Variants in BMPER observed in about 807,000 individuals in gnomAD.
BMPER encodes BMP-binding endothelial regulator protein.
BMPER carries 45 observed loss-of-function variants against 87.3 expected under a neutral mutation model. The observed-to-expected ratio is 0.52, with a 90% CI of 0.41 to 0.66. The LOEUF is 0.66. Among genes scored for constraint, BMPER ranks in the 30% least tolerant of loss-of-function variants. The pLI is 0.00. For missense variants in BMPER, 784 were observed against 867.5 expected (o/e 0.90, Z 1.21); for synonymous variants, 326 against 316.2 (o/e 1.03, Z -0.33).
At chr7:34,074,849 T>C (rs1013331214) in intron 11 of BMPER, among the ~76,000 whole-genome samples, 1 of 152,232 alleles carries the variant, frequency 6.6e-6, no homozygotes, top group East Asian at 1.9e-4. Flanking sequence ...TACAGAATTA[T>C]CGTAACTATG....
upstream of BMPER, chr7:33,905,195 C>G (rs927586415): frequency 3.4e-6 from 1 of 293,874 alleles, no homozygotes; most frequent in African/African-American, 2.3e-5. Context: ...CGACAGCCCC[C>G]GAAACAGTAG....
chr7:34,081,591 C>T (rs1241159803), intron 12 of BMPER, among the ~76,000 whole-genome samples: 1 of 152,234 alleles, frequency 6.6e-6, no homozygotes, highest in Non-Finnish European at 1.5e-5. Flanking sequence ...ACTTCCACCA[C>T]ACACTCCCAC....
intron 13 of BMPER, among the ~76,000 whole-genome samples, chr7:34,113,485 T>TTTTA (rs1790034025): frequency 6.6e-6 from 1 of 151,760 alleles, no homozygotes; most frequent in South Asian, 2.1e-4. Context: ...TTTTATTTTA[T>TTTTA]TTTAAATCTT....
intron 11 of BMPER, among the ~76,000 whole-genome samples, chr7:34,069,739 T>A (rs187497050): frequency 9.9e-4 from 151 of 152,324 alleles, no homozygotes; most frequent in Non-Finnish European, 1.3e-3. Flanking sequence ...TTGTATTTAC[T>A]TACTTTTTAA....
rs1482632552 is a variant in BMPER, at chr7:33,910,699, C to T, written c.219+3796C>T. On this transcript the variant is annotated intron_variant, in intron 2 of 14. Coordinates refer to ENST00000649409, the MANE Select transcript of BMPER (RefSeq NM_001365308.1). ...TGCTCATAAAAAGCAACATGAAATT[C>T]AATGTTACAAGAATCAGGGCTCCAC... Among the ~76,000 whole-genome samples the T allele has an allele frequency of 3.3e-5, 5 of 152,288 alleles. 1 individual carries two copies. In the Middle Eastern group the frequency reaches 0.014, roughly 414 times the overall value.
intron 6 of BMPER, among the ~76,000 whole-genome samples, chr7:33,983,671 G>T (rs1441409101): frequency 6.6e-6 from 1 of 152,102 alleles, no homozygotes; most frequent in Non-Finnish European, 1.5e-5. Context: ...GCCATAAACT[G>T]CCTGATTATA....
At chr7:34,028,426 A>G (rs980836737) in intron 6 of BMPER, among the ~76,000 whole-genome samples, 2 of 152,004 alleles carry the variant, frequency 1.3e-5, no homozygotes, top group Non-Finnish European at 1.5e-5. Context: ...TCTGTAGATA[A>G]GATATAACTC....
chr7:33,965,852 A>C (rs1785392355), intron 3 of BMPER, among the ~76,000 whole-genome samples: 1 of 64,386 alleles, frequency 1.6e-5, no homozygotes, highest in Non-Finnish European at 3.0e-5. Flanking sequence ...CCAATGAATA[A>C]CATGTGATAA....
chr7:33,907,831 G>A (rs1030095157), intron 2 of BMPER, among the ~76,000 whole-genome samples: 10 of 152,168 alleles, frequency 6.6e-5, no homozygotes, highest in African/African-American at 1.7e-4. Flanking sequence ...GCTGTGTGGC[G>A]CTGGAGAAGG....
chr7:33,962,252 C>A (rs1412227675), intron 3 of BMPER, among the ~76,000 whole-genome samples: 1 of 152,162 alleles, frequency 6.6e-6, no homozygotes, highest in African/African-American at 2.4e-5. Context: ...CTAAGCCAAG[C>A]TTCTCTACAA....
At position 33,937,361 on chromosome 7, in the gene BMPER, A is replaced by C; in HGVS notation, c.292A>C (p.Arg98=). The C allele has an allele frequency of 6.2e-7, 1 of 1,614,128 alleles. No individual in the cohort carries two copies. Among genetic ancestry groups the C allele is most frequent in the Non-Finnish European group, 8.5e-7 (1 of 1,180,010 alleles). Residue 98 remains arginine, a synonymous_variant, in exon 3 of 15, where the codon AGG becomes CGG. Coordinates refer to ENST00000649409, the MANE Select transcript of BMPER (RefSeq NM_001365308.1). ...AGACTGTGCCCTGGCCATCAAGCAG[A>C]GGGGAGCCTGTTGTGAACAGTGCAA... is the stretch of plus-strand genomic sequence containing the variant. ...SRDCALAIKQ[R]GACCEQCKGC...
At chr7:34,079,745 G>T (rs1788964143) in intron 12 of BMPER, among the ~76,000 whole-genome samples, 1 of 152,202 alleles carries the variant, frequency 6.6e-6, no homozygotes, top group Admixed American at 6.5e-5. Flanking sequence ...ACTCTGGTAT[G>T]CAGGAGTAGC....
intron 6 of BMPER, among the ~76,000 whole-genome samples, chr7:33,975,980 C>T (rs115060328): frequency 1.3e-5 from 2 of 151,786 alleles, no homozygotes; most frequent in East Asian, 1.9e-4. Flanking sequence ...ATATGTATAT[C>T]TCTATATATC....
intron 13 of BMPER, among the ~76,000 whole-genome samples, chr7:34,115,007 A>T (rs1328389159): frequency 1.3e-5 from 2 of 152,268 alleles, no homozygotes; most frequent in Non-Finnish European, 2.9e-5. Flanking sequence ...ATTAGCAATT[A>T]CCAAGTAATA....
intron 13 of BMPER, among the ~76,000 whole-genome samples, chr7:34,129,937 A>G (rs1286911659): frequency 3.3e-5 from 5 of 152,010 alleles, no homozygotes; most frequent in East Asian, 3.9e-4. Context: ...ACCTCTCCCT[A>G]TGTTGTCGTA....
In BMPER at chr7:34,078,983, A is replaced by G. The variant is rs892719737; in HGVS notation, c.1205A>G (p.Gln402Arg). The change falls in exon 12 of 15, where the codon CAG (glutamine) becomes CGG (arginine). Residue 402 changes from glutamine to arginine, a missense_variant. Coordinates refer to ENST00000649409, the MANE Select transcript of BMPER (RefSeq NM_001365308.1). ...TGCTCCTCCCCTGCCTCGCCCTTCC[A>G]GGTGCTGGTGAAGAACGACGCCCGC... ...KDCSSPASPF[Q>R]VLVKNDARRT... The G allele has an allele frequency of 8.7e-6, 14 of 1,614,008 alleles. No homozygotes were observed. The highest frequency in any genetic ancestry group is 1.6e-4 in the Middle Eastern group (1 of 6,084).
intron 13 of BMPER, among the ~76,000 whole-genome samples, chr7:34,128,465 C>G (rs745656112): frequency 2.6e-5 from 4 of 152,026 alleles, no homozygotes; most frequent in Non-Finnish European, 4.4e-5. Context: ...AGTTGCTTGC[C>G]AAGTAGAGAT....
chr7:33,919,856 C>A (rs1478163816), intron 2 of BMPER, among the ~76,000 whole-genome samples: 1 of 152,014 alleles, frequency 6.6e-6, no homozygotes, highest in Admixed American at 6.6e-5. Flanking sequence ...TTGGAATATT[C>A]GATTAGTCAG....
intron 2 of BMPER, among the ~76,000 whole-genome samples, chr7:33,910,965 G>T (rs1783945504): frequency 6.6e-6 from 1 of 152,202 alleles, no homozygotes; most frequent in African/African-American, 2.4e-5. Context: ...AGATAACATT[G>T]CATGAGGATT....
Sources: allele counts gnomAD v4.1 joint callset (sites outside exome capture counted in the v4.1 genomes callset), GRCh38; gene constraint gnomAD v4.1.1; transcripts MANE v1.5; gene names NCBI Gene and HGNC (gene_info 2026-07-23, HGNC 2026-07-21).